Variants in ALPP observed in about 807,000 individuals in gnomAD.
ALPP encodes the protein alkaline phosphatase, placental type.
A neutral mutation model predicts 50.7 loss-of-function variants in ALPP; 39 were observed. The observed-to-expected ratio is 0.77, with a 90% CI of 0.60 to 1.00. The LOEUF (loss-of-function observed/expected upper bound fraction) is 1.00. Ranked by LOEUF, ALPP falls within the 50% of genes least tolerant of loss-of-function variation. The pLI is 0.00. For missense variants in ALPP, 550 were observed against 746.8 expected, an observed-to-expected ratio of 0.74 and a Z score of 3.07; for synonymous variants, 226 against 320.3, an observed-to-expected ratio of 0.71 and a Z score of 3.14.
Position 232,381,956 on chromosome 2 carries a change from G to A in ALPP, c.*161G>A. The A allele has an allele frequency of 8.4e-7, 1 of 1,195,734 alleles. No individual in the cohort carries two copies. The highest frequency in any genetic ancestry group is 1.6e-5 in the South Asian group (1 of 62,370). 74.1% of individuals were successfully genotyped at this position (1,195,734 alleles called of 1,614,324 possible). A position where few individuals can be genotyped will look rare whatever the true frequency, so the allele number is the denominator to read the frequency against. ...CCTCCCCGTGCGCTCTGGGGACTGA[G>A]CCCATGACACCAAACCTGCCCCTTG... On this transcript the variant is annotated 3_prime_UTR_variant, in exon 11 of 11. Coordinates refer to ENST00000392027, the MANE Select transcript of ALPP (RefSeq NM_001632.5).
rs1696684612 is a variant in ALPP, at chr2:232,380,411, T to C, written c.793-9T>C. 2.5e-6 allele frequency: 4 copies of C among 1,613,634 alleles called. No individual in the cohort carries two copies. The highest frequency in any genetic ancestry group is 3.4e-6 in the Non-Finnish European group (4 of 1,179,882). The stretch of plus-strand genomic sequence containing the variant: ...GTGGGCTGAGGCCTGGCTCTCTCCC[T>C]CCCCACAGGGTGCCCGGTATGTGTG... On this transcript the variant is annotated splice_polypyrimidine_tract_variant and intron_variant, in intron 6 of 10. Transcript: ENST00000392027.
rs1373013209 is a variant in ALPP at position 232,379,620 on chromosome 2, C to T, written c.417C>T (p.Arg139=). 2.5e-6 allele frequency: 4 copies of T among 1,613,910 alleles called. No homozygotes were observed. In the African/African-American group the frequency reaches 5.3e-5, roughly 22 times the overall value. ...CCATTGGCTTGAGTGCAGCCGCCCG[C>T]TTTAACCAGTGCAACACGACACGCG... is the stretch of plus-strand genomic sequence containing the variant. The part of the protein sequence containing the change: ...FQTIGLSAAA[R]FNQCNTTRGN... Residue 139 remains arginine (R), a synonymous_variant, in exon 4 of 11, where the codon CGC becomes CGT. Transcript: ENST00000392027.
intron 1 of ALPP, 23 bp from the exon 2 acceptor site, chr2:232,378,948 A>T: frequency 6.2e-7 from 1 of 1,613,966 alleles, no homozygotes; most frequent in African/African-American, 1.3e-5. Flanking sequence ...GGCTGACCTG[A>T]TTTTTGCTCT....
intron 5 of ALPP, 49 bp downstream of exon 5, chr2:232,379,985 G>C (rs1210271355): frequency 3.8e-6 from 6 of 1,575,090 alleles, no homozygotes; most frequent in Non-Finnish European, 5.2e-6. Context: ...GTAGCAGGGA[G>C]GGGGCACTAG....
intron 9 of ALPP, 95 bp downstream of exon 9, chr2:232,381,126 G>T (rs540502121): frequency 6.3e-7 from 1 of 1,577,752 alleles, no homozygotes; most frequent in East Asian, 2.3e-5. Context: ...AGTAATGCTG[G>T]CACCAGCCCT....
rs553086305 is a variant in ALPP at position 232,379,715 on chromosome 2, G to A, written c.484+28G>A. ...GAGCTGGGGCCCGCTGCTGGGTCAC[G>A]GCCAGGTCACAGACGTTGGTCACAT... On this transcript the variant is annotated intron_variant, in intron 4 of 10. Transcript: ENST00000392027. 42 of 1,613,978 alleles carry A rather than the reference G, an allele frequency of 2.6e-5. No individual in the cohort carries two copies. The East Asian group carries it at 2.7e-4, about 10-fold the overall frequency.
At position 232,378,858 on chromosome 2, in the gene ALPP, T is replaced by C. The variant is rs147173969; in HGVS notation, c.56T>C (p.Leu19Pro). Residue 19 changes from leucine to proline, a missense_variant, in exon 1 of 11, where the codon CTC becomes CCC. By Grantham distance (98) the Leu-to-Pro change is moderately conservative (BLOSUM62 -3). Coordinates refer to ENST00000392027, the MANE Select transcript of ALPP (RefSeq NM_001632.5). ...LLLLLGLRLQLSLGIIPVEEE... is the reference protein window; with the variant it reads ...LLLLLGLRLQPSLGIIPVEEE... The stretch of plus-strand genomic sequence containing the variant: ...CTGCTGCTGGGCCTGAGGCTACAGC[T>C]CTCCCTGGGCATCATCCCAGGTAAT... 5.3e-5 allele frequency: 85 copies of C among 1,613,584 alleles called. No homozygotes were observed. The highest frequency in any genetic ancestry group is 5.6e-5 in the Non-Finnish European group (66 of 1,180,004).
chr2:232,380,053 G>A, intron 5 of ALPP, 117 bp downstream of exon 5: 1 of 1,567,332 alleles, frequency 6.4e-7, no homozygotes, highest in Non-Finnish European at 8.7e-7. Flanking sequence ...AGGTGGGGTT[G>A]TGGGCGTAGA....
rs2260309 is a variant in ALPP, at chr2:232,380,431, T to G, written c.804T>G (p.Tyr268Ter). 33 of 1,611,710 alleles carry G rather than the reference T, an allele frequency of 2.0e-5. No individual in the cohort carries two copies. Among genetic ancestry groups the G allele is most frequent in the Non-Finnish European group, 2.6e-5 (31 of 1,179,088 alleles). Residue 268 changes from tyrosine (Y) to a stop codon, truncating the protein, a stop_gained, in exon 7 of 11, where the codon TAT (tyrosine) becomes TAG (stop). Coordinates refer to ENST00000392027, the MANE Select transcript of ALPP (RefSeq NM_001632.5). LOFTEE classifies it high-confidence loss of function. ...EWLAKRQGAR[Y>*]VWNRTELMQA... ...CTCCCTCCCCACAGGGTGCCCGGTA[T>G]GTGTGGAACCGCACTGAGCTCATGC...
rs917181095 is a variant in ALPP at position 232,379,266 on chromosome 2, C to A, written c.260C>A (p.Pro87His). The A allele has an allele frequency of 1.2e-6, 2 of 1,614,044 alleles. No homozygotes were observed. Among genetic ancestry groups the A allele is most frequent in the African/African-American group, 1.3e-5 (1 of 74,988 alleles). Residue 87 changes from proline to histidine, a missense_variant, in exon 3 of 11, where the codon CCT (proline) becomes CAT (histidine). Pro to His is a moderately conservative substitution (Grantham distance 77). Coordinates refer to ENST00000392027, the MANE Select transcript of ALPP (RefSeq NM_001632.5). ...LKGQKKDKLG[P>H]EIPLAMDRFP... ...GGGCAGAAGAAGGACAAACTGGGGC[C>A]TGAGATACCCCTGGCCATGGACCGC... is the stretch of plus-strand genomic sequence containing the variant.
In ALPP at chr2:232,380,624, T is replaced by A. The variant is rs1696689698; in HGVS notation, c.867T>A (p.Gly289=). 1 of 1,612,300 alleles carries A rather than the reference T, an allele frequency of 6.2e-7. No individual in the cohort carries two copies. Among genetic ancestry groups the A allele is most frequent in the Admixed American group, 1.7e-5 (1 of 59,800 alleles). The change falls in exon 8 of 11, where the codon GGT becomes GGA. Residue 289 remains glycine, a splice_region_variant and synonymous_variant. Coordinates refer to ENST00000392027, the MANE Select transcript of ALPP (RefSeq NM_001632.5). ...ACCACAGGACCCCTTGTCCCACAGGTCTCTTTGAGCCTGGAGACATGAAAT... is the reference window on the plus strand; with the variant it reads ...ACCACAGGACCCCTTGTCCCACAGGACTCTTTGAGCCTGGAGACATGAAAT... The part of the protein sequence containing the change: ...SLDPSVTHLM[G]LFEPGDMKYE...
At chr2:232,379,366 G>A (rs376905006) in intron 3 of ALPP, 51 bp downstream of exon 3, 11 of 1,605,386 alleles carry the variant, frequency 6.9e-6, no homozygotes, top group South Asian at 1.1e-5. Context: ...GGGAATCCTG[G>A]CTATGGAGTG....
rs1696663663 is a variant in ALPP, at chr2:232,379,501, C to T, written c.310-12C>T. 1 of 1,613,810 alleles carries T rather than the reference C, an allele frequency of 6.2e-7. No homozygotes were observed. The highest frequency in any genetic ancestry group is 1.7e-5 in the Admixed American group (1 of 59,990). On this transcript the variant is annotated splice_polypyrimidine_tract_variant and intron_variant, in intron 3 of 10. Coordinates refer to ENST00000392027, the MANE Select transcript of ALPP (RefSeq NM_001632.5). Reference sequence around the variant, plus strand: ...TGCCCCAGAGAAGAGCTCAGAGTGTCTCTGTCCCCAGACATACAATGTAGA... The same window carrying T: ...TGCCCCAGAGAAGAGCTCAGAGTGTTTCTGTCCCCAGACATACAATGTAGA...
At chr2:232,378,923 G>T (rs371470403) in intron 1 of ALPP, 45 bp downstream of exon 1, 3 of 1,613,930 alleles carry the variant, frequency 1.9e-6, no homozygotes, top group African/African-American at 1.3e-5. Context: ...CACACACAGG[G>T]CACCCCCCAG....
rs1239478752 is a variant in ALPP, at chr2:232,381,617, A to C, written c.1430A>C (p.Gln477Pro). Residue 477 changes from glutamine to proline, a missense_variant, in exon 11 of 11, where the codon CAG (glutamine) becomes CCG (proline). Gln to Pro is a moderately conservative substitution (Grantham distance 76). Coordinates refer to ENST00000392027, the MANE Select transcript of ALPP (RefSeq NM_001632.5). ...CACCTGGTTCACGGCGTGCAGGAGC[A>C]GACCTTCATAGCGCACGTCATGGCC... ...QAHLVHGVQE[Q>P]TFIAHVMAFA... 2 of 1,612,442 alleles carry C rather than the reference A, an allele frequency of 1.2e-6. No homozygotes were observed. The highest frequency in any genetic ancestry group is 1.3e-5 in the African/African-American group (1 of 74,906).
At position 232,382,304 on chromosome 2, in the gene ALPP, G is replaced by A. The variant is rs759061115; in HGVS notation, c.*509G>A. The A allele has an allele frequency of 1.1e-4, 20 of 174,984 alleles. No individual in the cohort carries two copies. Among genetic ancestry groups the A allele is most frequent in the Non-Finnish European group, 1.6e-4 (13 of 83,588 alleles). 10.8% of individuals were successfully genotyped at this position (174,984 alleles called of 1,614,324 possible). On this transcript the variant is annotated 3_prime_UTR_variant, in exon 11 of 11. Transcript: ENST00000392027. The stretch of plus-strand genomic sequence containing the variant: ...GGGGATTTTGACACAGCCTTCGGCT[G>A]CCCCCCACTAAGCTAATTCCACACC...
In ALPP at chr2:232,381,633, C is replaced by T. The variant is rs748655336; in HGVS notation, c.1446C>T (p.His482=). The T allele has an allele frequency of 3.7e-6, 6 of 1,612,146 alleles. No homozygotes were observed. Among genetic ancestry groups the T allele is most frequent in the Middle Eastern group, 1.6e-4 (1 of 6,068 alleles). The change falls in exon 11 of 11, where the codon CAC becomes CAT. Residue 482 remains histidine, a synonymous_variant. Transcript: ENST00000392027. The stretch of plus-strand genomic sequence containing the variant: ...TGCAGGAGCAGACCTTCATAGCGCA[C>T]GTCATGGCCTTCGCCGCCTGCCTGG... ...HGVQEQTFIA[H]VMAFAACLEP... is the part of the protein sequence containing the mutation.
At chr2:232,379,490 G>T (rs1240862686) in intron 3 of ALPP, 23 bp from the exon 4 acceptor site, 1 of 1,613,710 alleles carries the variant, frequency 6.2e-7, no homozygotes, top group Non-Finnish European at 8.5e-7. Flanking sequence ...CCAGAGAAGA[G>T]CTCAGAGTGT....
Position 232,380,491 on chromosome 2 carries a change from G to A in ALPP, c.864G>A (p.Met288Ile). 6.2e-7 allele frequency: 1 copy of A among 1,613,958 alleles called. No individual in the cohort carries two copies. Among genetic ancestry groups the A allele is most frequent in the Non-Finnish European group, 8.5e-7 (1 of 1,179,980 alleles). ...ASLDPSVTHL[M>I]GLFEPGDMKY... Reference sequence around the variant, plus strand: ...TGGACCCGTCTGTGACCCATCTCATGGGTAATGACCCCCTTCCTGCCCTGG... The same window carrying A: ...TGGACCCGTCTGTGACCCATCTCATAGGTAATGACCCCCTTCCTGCCCTGG... Residue 288 changes from methionine to isoleucine, a missense_variant and splice_region_variant, in exon 7 of 11, where the codon ATG becomes ATA. Transcript: ENST00000392027.
Sources: allele counts gnomAD v4.1 joint callset, GRCh38; gene constraint gnomAD v4.1.1; transcripts MANE v1.5; gene names NCBI Gene and HGNC (gene_info 2026-07-23, HGNC 2026-07-21).